LRGUK: variants seen among roughly 807,000 people sequenced by gnomAD.
LRGUK encodes the protein leucine-rich repeat and guanylate kinase domain-containing protein.
LRGUK carries 65 observed loss-of-function variants against 76.0 expected under a neutral mutation model. That is an observed-to-expected ratio of 0.85 (90% CI 0.70 to 1.05). The LOEUF is 1.05. Ranked by LOEUF, LRGUK falls within the 50% of genes least tolerant of loss-of-function variation. The pLI, the probability that LRGUK is intolerant of heterozygous loss-of-function variation, is 0.00. For synonymous variants in LRGUK, 268 were observed against 265.6 expected, an observed-to-expected ratio of 1.01 and a Z score of -0.09; for missense variants, 758 against 732.8, an observed-to-expected ratio of 1.03 and a Z score of -0.40.
chr7:134,193,932 C>CA (rs1800368767), intron 12 of LRGUK, among the ~76,000 whole-genome samples: 1 of 152,288 alleles, frequency 6.6e-6, no homozygotes, highest in African/African-American at 2.4e-5. Flanking sequence ...CACCTTCCCC[C>CA]ACACAGGGGC....
chr7:134,221,824 A>G lies in LRGUK; in HGVS notation c.1889A>G (p.Tyr630Cys), dbSNP rs34501262. The change falls in exon 16 of 20, where the codon TAT becomes TGT. Residue 630 changes from tyrosine (Y) to cysteine (C), a missense_variant. Transcript: ENST00000285928. ...AAACCTGAAGCGCATCCTACAAAGT[A>G]TATTTCTTCGAATATGGGTGATTTC... 5,728 of 1,602,364 alleles carry G rather than the reference A, an allele frequency of 3.6e-3. 17 individuals carry two copies. The highest frequency in any genetic ancestry group is 5.8e-3 in the Middle Eastern group (35 of 6,028).
intron 11 of LRGUK, among the ~76,000 whole-genome samples, chr7:134,187,604 T>C (rs1800031106): frequency 2.0e-5 from 3 of 152,248 alleles, no homozygotes; most frequent in Admixed American, 2.0e-4. Context: ...TTCTTGGTTT[T>C]AGAAATATGT....
intron 3 of LRGUK, 150 bp from the exon 4 acceptor site, chr7:134,142,912 A>G: frequency 1.8e-6 from 1 of 546,040 alleles, no homozygotes; most frequent in South Asian, 2.6e-5. Context: ...CATACTCCTG[A>G]TTTTATTCCT....
At chr7:134,171,186 T>C (rs1368220647) in intron 7 of LRGUK, among the ~76,000 whole-genome samples, 1 of 151,554 alleles carries the variant, frequency 6.6e-6, no homozygotes, top group Non-Finnish European at 1.5e-5. Context: ...ACAAAACCAA[T>C]ACTGAGAAGA....
intron 4 of LRGUK, among the ~76,000 whole-genome samples, chr7:134,144,856 T>G (rs564964613): frequency 6.6e-6 from 1 of 152,308 alleles, no homozygotes; most frequent in African/African-American, 2.4e-5. Flanking sequence ...GTACTCAGTG[T>G]GGGGCCGCAT....
In LRGUK at chr7:134,249,093, T is replaced by C; in HGVS notation, c.2198+17T>C. 1 of 1,553,124 alleles carries C rather than the reference T, an allele frequency of 6.4e-7. No homozygotes were observed. The highest frequency in any genetic ancestry group is 2.3e-5 in the East Asian group (1 of 43,818). ...TGAAAAGAGGTGAGTTGAGGTGTTT[T>C]GTTGGATGGAATTGGCTATTTTCTG... On this transcript the variant is annotated intron_variant, in intron 18 of 19. Coordinates refer to the LRGUK transcript ENST00000285928.
chr7:134,127,416 C>T (rs1286565457), exon 1 of LRGUK: 2 of 1,613,898 alleles, frequency 1.2e-6, no homozygotes, highest in African/African-American at 2.7e-5. Flanking sequence ...TGCCTCTCTC[C>T]TGAGAGGCTT....
intron 16 of LRGUK, among the ~76,000 whole-genome samples, chr7:134,235,691 G>A (rs2544165): frequency 0.47 from 70,783 of 151,942 alleles, 16,739 homozygotes; most frequent in South Asian, 0.57. Context: ...TATTTTATAC[G>A]ATGCTAGGCA....
intron 4 of LRGUK, 80 bp from the exon 5 acceptor site, chr7:134,148,155 CCTT>C: frequency 1.2e-6 from 1 of 834,806 alleles, no homozygotes; most frequent in Non-Finnish European, 2.0e-6. Flanking sequence ...TTCAAAAATA[CCTT>C]CTTCTTGCAC....
intron 2 of LRGUK, among the ~76,000 whole-genome samples, chr7:134,138,225 G>A (rs886361680): frequency 2.0e-5 from 3 of 152,102 alleles, no homozygotes; most frequent in Non-Finnish European, 4.4e-5. Flanking sequence ...GTAGTGCTAT[G>A]CCTTAAATTG....
chr7:134,228,524 A>C (rs1029215034), intron 16 of LRGUK, among the ~76,000 whole-genome samples: 1 of 152,232 alleles, frequency 6.6e-6, no homozygotes, highest in African/African-American at 2.4e-5. Context: ...AAAATGTATA[A>C]AATTAAAATA....
chr7:134,178,203 T>C (rs1327336932), intron 9 of LRGUK, among the ~76,000 whole-genome samples: 1 of 152,106 alleles, frequency 6.6e-6, no homozygotes, highest in African/African-American at 2.4e-5. Context: ...TGGGTTTTTG[T>C]TTGGTGGTTT....
At chr7:134,155,299 T>C (rs1171983901) in intron 5 of LRGUK, among the ~76,000 whole-genome samples, 1 of 152,234 alleles carries the variant, frequency 6.6e-6, no homozygotes, top group Non-Finnish European at 1.5e-5. Flanking sequence ...ATCTGGTCTT[T>C]GTTCTAGTTC....
intron 6 of LRGUK, among the ~76,000 whole-genome samples, chr7:134,162,826 CAAAAAA>C (rs11445116): frequency 3.3e-5 from 2 of 61,170 alleles, no homozygotes; most frequent in Non-Finnish European, 5.9e-5. Context: ...GACTCCTTCT[CAAAAAA>C]AAAAAAAAAA....
chr7:134,232,743 A>T (rs549366749), intron 16 of LRGUK, among the ~76,000 whole-genome samples: 135 of 152,296 alleles, frequency 8.9e-4, no homozygotes, highest in African/African-American at 3.0e-3. Flanking sequence ...ATAAATATAC[A>T]ATTCTTTCTA....
exon 20 of LRGUK, chr7:134,263,944 C>A: frequency 6.2e-7 from 1 of 1,612,572 alleles, no homozygotes; most frequent in Non-Finnish European, 8.5e-7. Flanking sequence ...GTCAAACCCA[C>A]CCTCCCTCCA....
In LRGUK at chr7:134,191,829, TA is replaced by T. The variant is rs976480862; in HGVS notation, c.1431+85del. The T allele has an allele frequency of 5.2e-5, 52 of 1,001,154 alleles. No individual in the cohort carries two copies. In the African/African-American group the frequency reaches 6.2e-4, roughly 12 times the overall value. 62.0% of individuals were successfully genotyped at this position (1,001,154 alleles called of 1,614,324 possible). On this transcript the variant is annotated intron_variant, in intron 12 of 15. Transcript: ENST00000645682. ...AAAAATGTTAGGAAATAGTTATAAA[TA>T]AAAAAAGGAAGAATTAAATTTTGTG...
intron 16 of LRGUK, among the ~76,000 whole-genome samples, chr7:134,227,867 G>T (rs1313799728): frequency 6.6e-6 from 1 of 152,158 alleles, no homozygotes; most frequent in East Asian, 1.9e-4. Flanking sequence ...TATAGTGGAA[G>T]AGTGAATAAG....
downstream of LRGUK, among the ~76,000 whole-genome samples, chr7:134,267,862 A>C (rs1037719703): frequency 1.3e-5 from 2 of 152,050 alleles, no homozygotes; most frequent in East Asian, 3.8e-4. Context: ...AGAAGCCCAA[A>C]CCTCAGCATC....
Sources: allele counts gnomAD v4.1 joint callset (sites outside exome capture counted in the v4.1 genomes callset), GRCh38; gene constraint gnomAD v4.1.1; transcripts MANE v1.5; gene names NCBI Gene and HGNC (gene_info 2026-07-23, HGNC 2026-07-21).